GOLGA4: variants seen among roughly 807,000 people sequenced by gnomAD.
GOLGA4 encodes the protein golgin A4, also known as golgin subfamily A member 4.
Under a neutral mutation model 265.9 loss-of-function variants are expected in GOLGA4, and 169 were observed. The observed-to-expected ratio is 0.64, with a 90% CI of 0.56 to 0.72. The LOEUF is 0.72. GOLGA4 is among the 30% of genes least tolerant of loss of function. GOLGA4 has a pLI of 0.00. For missense variants in GOLGA4, 2,482 were observed against 2,483.4 expected (o/e 1.00, Z 0.01); for synonymous variants, 923 against 855.8 (o/e 1.08, Z -1.37).
intron 2 of GOLGA4, among the ~76,000 whole-genome samples, chr3:37,253,615 G>A (rs538898972): frequency 6.6e-6 from 1 of 152,002 alleles, no homozygotes; most frequent in Non-Finnish European, 1.5e-5. Context: ...TGACTTGGTC[G>A]ATTGTAAAAG....
At chr3:37,301,932 G>A (rs936778354) in intron 9 of GOLGA4, among the ~76,000 whole-genome samples, 1 of 152,098 alleles carries the variant, frequency 6.6e-6, no homozygotes, top group Non-Finnish European at 1.5e-5. Context: ...GGGATTACAG[G>A]CATATACCAC....
chr3:37,257,020 T>C (rs1182759974), intron 2 of GOLGA4, among the ~76,000 whole-genome samples: 1 of 152,146 alleles, frequency 6.6e-6, no homozygotes, highest in Admixed American at 6.5e-5. Flanking sequence ...ATCTATCTAG[T>C]TCCATAACAT....
Position 37,289,310 on chromosome 3 carries a change from T to C in GOLGA4, c.582+19T>C, listed in dbSNP as rs201908970. On this transcript the variant is annotated intron_variant, in intron 5 of 23. Coordinates refer to ENST00000361924, the MANE Select transcript of GOLGA4 (RefSeq NM_002078.5). ...AAGAGAGGTAAGTTTCAGTGATGAG[T>C]ACTTTGAAAATAGTAATTAAATCTC... is the stretch of plus-strand genomic sequence containing the variant. 8.3e-5 allele frequency: 119 copies of C among 1,438,630 alleles called. No individual in the cohort carries two copies. In the Admixed American group the frequency reaches 2.1e-3, roughly 25 times the overall value. The allele number at this position is 1,438,630 out of a possible 1,614,324, so 89.1% of individuals were successfully genotyped here.
At position 37,243,459 on chromosome 3, in the gene GOLGA4, T is replaced by TA; in HGVS notation, c.-89dup. 3 of 1,088,416 alleles carry TA rather than the reference T, an allele frequency of 2.8e-6. No homozygotes were observed. Among genetic ancestry groups the TA allele is most frequent in the Non-Finnish European group, 4.3e-6 (3 of 704,166 alleles). The allele number at this position is 1,088,416 out of a possible 1,614,324, so 67.4% of individuals were successfully genotyped here. A position where few individuals can be genotyped will look rare whatever the true frequency, so the allele number is the denominator to read the frequency against. ...GGCCCGGCCCCCGCTGTCCCTGGTG[T>TA]AAAGAAGTCGCCGTAGCCGTCGCGG... On this transcript the variant is annotated 5_prime_UTR_variant, in exon 1 of 24. Coordinates refer to ENST00000361924, the MANE Select transcript of GOLGA4 (RefSeq NM_002078.5).
intron 5 of GOLGA4, among the ~76,000 whole-genome samples, chr3:37,291,827 T>C (rs748932649): frequency 9.9e-5 from 15 of 152,214 alleles, no homozygotes; most frequent in Non-Finnish European, 1.8e-4. Flanking sequence ...TAACTTTATC[T>C]TCCTCTATTA....
At chr3:37,285,253 G>T (rs1345177169) in intron 3 of GOLGA4, among the ~76,000 whole-genome samples, 1 of 150,826 alleles carries the variant, frequency 6.6e-6, no homozygotes, top group Non-Finnish European at 1.5e-5. Context: ...CTTCTACCTC[G>T]GCCTCTCAAA....
intron 5 of GOLGA4, among the ~76,000 whole-genome samples, chr3:37,291,227 A>C (rs1177915132): frequency 6.6e-6 from 1 of 152,128 alleles, no homozygotes; most frequent in Non-Finnish European, 1.5e-5. Context: ...AGACACAGGA[A>C]TACCTCTTTA....
intron 12 of GOLGA4, chr3:37,319,680 AGTGT>A (rs1466864452): frequency 1.3e-5 from 2 of 152,222 alleles, no homozygotes; most frequent in Non-Finnish European, 2.9e-5. Flanking sequence ...GGTCTCCCAA[AGTGT>A]TGGGATTACA....
At chr3:37,248,790 C>T (rs750110750) in intron 1 of GOLGA4, among the ~76,000 whole-genome samples, 1 of 152,118 alleles carries the variant, frequency 6.6e-6, no homozygotes, top group Non-Finnish European at 1.5e-5. Context: ...CATATGAGGC[C>T]AAGGTGTAAG....
chr3:37,254,406 TTTTG>T (rs1158583600), intron 2 of GOLGA4, among the ~76,000 whole-genome samples: 1 of 152,210 alleles, frequency 6.6e-6, no homozygotes, highest in African/African-American at 2.4e-5. Context: ...ACTATGTACC[TTTTG>T]TTTATTTTGC....
chr3:37,323,995 A>G lies in GOLGA4; in HGVS notation c.2109A>G (p.Leu703=). 6.2e-7 allele frequency: 1 copy of G among 1,613,940 alleles called. No homozygotes were observed. The highest frequency in any genetic ancestry group is 8.5e-7 in the Non-Finnish European group (1 of 1,179,988). ...LSEVLKARHK[L]EEELSVLKDQ... ...AAGTATTAAAAGCCCGTCACAAACT[A>G]GAAGAGGAACTTTCTGTTCTGAAAG... Residue 703 remains leucine (L), a synonymous_variant, in exon 14 of 24, where the codon CTA becomes CTG. Coordinates refer to ENST00000361924, the MANE Select transcript of GOLGA4 (RefSeq NM_002078.5).
rs760820337 is a variant in GOLGA4 at position 37,326,997 on chromosome 3, A to G, written c.5111A>G (p.Glu1704Gly). Residue 1704 changes from glutamate (E) to glycine (G), a missense_variant, in exon 14 of 24, where the codon GAA becomes GGA. This residue lies in a region of GOLGA4 where 942 missense variants were observed against 983.1 expected (regional missense o/e 0.96). Transcript: ENST00000361924. ...AAGTCAGTGGAAAGTTCACAGTCAG[A>G]AACATTAATTGTACCCAGATCAGCA... ...KLKSVESSQSETLIVPRSAKN... is the reference protein window; with the variant it reads ...KLKSVESSQSGTLIVPRSAKN... 10 of 1,613,902 alleles carry G rather than the reference A, an allele frequency of 6.2e-6. No homozygotes were observed. The highest frequency in any genetic ancestry group is 3.3e-4 in the Middle Eastern group (2 of 6,058).
chr3:37,318,479 C>T (rs1393584609), intron 11 of GOLGA4, among the ~76,000 whole-genome samples: 1 of 151,966 alleles, frequency 6.6e-6, no homozygotes, highest in East Asian at 1.9e-4. Context: ...TGTTTGGTAG[C>T]TTCTTATTAT....
At chr3:37,339,456 A>G (rs1002089918) in intron 19 of GOLGA4, among the ~76,000 whole-genome samples, 3 of 152,136 alleles carry the variant, frequency 2.0e-5, no homozygotes, top group Non-Finnish European at 4.4e-5. Flanking sequence ...TCTATGTTTA[A>G]CTTTTTGAGG....
chr3:37,325,906 T>A lies in GOLGA4; in HGVS notation c.4020T>A (p.Cys1340Ter). 1 of 1,613,368 alleles carries A rather than the reference T, an allele frequency of 6.2e-7. No individual in the cohort carries two copies. ...QQQAASEKES[C>*]ITQLKKELSE... is the part of the protein sequence containing the mutation. ...AGGCTGCTTCTGAAAAGGAGTCTTG[T>A]ATAACACAGTTGAAGAAAGAGTTAT... The change falls in exon 14 of 24, where the codon TGT becomes TGA. Residue 1340 changes from cysteine (C) to a stop codon, truncating the protein, a stop_gained. Coordinates refer to ENST00000361924, the MANE Select transcript of GOLGA4 (RefSeq NM_002078.5). LOFTEE classifies it high-confidence loss of function.
rs2097075352 is a variant in GOLGA4, at chr3:37,351,798, G to A, written c.6577-3303G>A. The stretch of plus-strand genomic sequence containing the variant: ...TCAGAAAACCATGCTGTTAACAGGT[G>A]TGCTATCATCCAGGCCTTGTTTCAT... On this transcript the variant is annotated intron_variant, in intron 21 of 23. Coordinates refer to ENST00000361924, the MANE Select transcript of GOLGA4 (RefSeq NM_002078.5). 3.3e-5 allele frequency among the ~76,000 whole-genome samples: 5 copies of A among 152,110 alleles called. No individual in the cohort carries two copies. The South Asian group carries it at 1.0e-3, about 32-fold the overall frequency.
In GOLGA4 at chr3:37,323,811, T is replaced by G. The variant is rs570208465; in HGVS notation, c.1925T>G (p.Met642Arg). 7.4e-5 allele frequency: 119 copies of G among 1,609,160 alleles called. No individual in the cohort carries two copies. The South Asian group carries it at 1.2e-3, about 17-fold the overall frequency. ...QVLKQQYQTE[M>R]EKLREKCEQE... ...TTAAAGCAACAATATCAGACTGAAA[T>G]GGAAAAACTTAGGGAAAAGTGTGAA... Residue 642 changes from methionine (M) to arginine (R), a missense_variant, in exon 14 of 24, where the codon ATG (methionine) becomes AGG (arginine). Met to Arg is a moderately conservative substitution (Grantham distance 91). Coordinates refer to ENST00000361924, the MANE Select transcript of GOLGA4 (RefSeq NM_002078.5).
intron 5 of GOLGA4, among the ~76,000 whole-genome samples, chr3:37,291,531 A>C (rs1578533774): frequency 6.6e-6 from 1 of 152,208 alleles, no homozygotes; most frequent in Non-Finnish European, 1.5e-5. Context: ...CCCCAGCCTT[A>C]CTCATCTACT....
At position 37,328,911 on chromosome 3, in the gene GOLGA4, A is replaced by AT; in HGVS notation, c.6062-50dup. ...TTGTTACTGAAATTGAGATACAAAT[A>AT]TTAACTCTTGACTAATGTGTTTTCT... On this transcript the variant is annotated intron_variant, in intron 15 of 23. Transcript: ENST00000361924. 4.2e-6 allele frequency: 6 copies of AT among 1,412,300 alleles called. No homozygotes were observed. In the South Asian group the frequency reaches 8.5e-5, roughly 20 times the overall value. The allele number at this position is 1,412,300 out of a possible 1,614,324, so 87.5% of individuals were successfully genotyped here. A position where few individuals can be genotyped will look rare whatever the true frequency, so the allele number is the denominator to read the frequency against.
Sources: gnomAD v4.1 joint callset for allele counts (sites outside exome capture counted in the v4.1 genomes callset) on GRCh38, gnomAD v4.1.1 for gene constraint, gnomAD v4.1.1 regional missense constraint, MANE v1.5 for transcripts, NCBI Gene and HGNC (gene_info 2026-07-23, HGNC 2026-07-21) for gene names.